The following SUPT3H variants were observed in gnomAD, a reference collection of about 807,000 sequenced individuals.
SUPT3H encodes SPT3 homolog, SAGA and STAGA complex component, also known as transcription initiation protein SPT3 homolog.
Under a neutral mutation model 44.3 loss-of-function variants are expected in SUPT3H, and 44 were observed. The observed-to-expected ratio is 0.99, with a 90% CI of 0.78 to 1.28. SUPT3H has a LOEUF of 1.28. Among genes scored for constraint, SUPT3H ranks in the 50% most tolerant of loss-of-function variants. The probability of loss-of-function intolerance (pLI) is 0.00; values close to 1 mark genes in which losing one functional copy is unlikely to be tolerated. For missense variants in SUPT3H, 380 were observed against 387.1 expected, an observed-to-expected ratio of 0.98 and a Z score of 0.15; for synonymous variants, 124 against 125.6, an observed-to-expected ratio of 0.99 and a Z score of 0.09.
chr6:45,140,724 C>G (rs1562536877), intron 2 of SUPT3H, among the ~76,000 whole-genome samples: 1 of 152,240 alleles, frequency 6.6e-6, no homozygotes, highest in East Asian at 1.9e-4. Context: ...GATAACATCA[C>G]AGAACTCTCT....
chr6:45,318,647 C>T (rs1370817419), intron 2 of SUPT3H, among the ~76,000 whole-genome samples: 2 of 151,198 alleles, frequency 1.3e-5, no homozygotes, highest in East Asian at 3.9e-4. Flanking sequence ...ATATTTCATG[C>T]AGTAAATAAC....
At chr6:45,184,491 A>G (rs944759933) in intron 2 of SUPT3H, among the ~76,000 whole-genome samples, 2 of 152,126 alleles carry the variant, frequency 1.3e-5, no homozygotes, top group African/African-American at 4.8e-5. Flanking sequence ...GAGTGCTTCT[A>G]TGTGAACAAA....
Position 45,366,805 on chromosome 6 carries a change from G to T in SUPT3H, c.1-1504C>A, listed in dbSNP as rs1039780518. Among the ~76,000 whole-genome samples, 4 of 152,130 alleles carry T rather than the reference G, an allele frequency of 2.6e-5. No individual in the cohort carries two copies. In the East Asian group the frequency reaches 7.7e-4, roughly 29 times the overall value. On this transcript the variant is annotated intron_variant, in intron 1 of 10. Transcript: ENST00000371459. The stretch of plus-strand genomic sequence containing the variant: ...CACCCTACAATTTGTAAGAAGTCAA[G>T]TAAATTCTACTTTCTGTATGTTCTC...
At chr6:45,256,067 A>G (rs1773336758) in intron 2 of SUPT3H, among the ~76,000 whole-genome samples, 1 of 152,184 alleles carries the variant, frequency 6.6e-6, no homozygotes, top group Non-Finnish European at 1.5e-5. Context: ...GCTACTCAGG[A>G]GGCTGAGGCA....
downstream of SUPT3H, among the ~76,000 whole-genome samples, chr6:44,825,444 C>T (rs1020132540): frequency 2.6e-5 from 4 of 152,182 alleles, no homozygotes; most frequent in Admixed American, 6.5e-5. Context: ...GTACAGTCCA[C>T]GTTGTGTAAC....
chr6:45,296,568 G>A (rs1395539666), intron 2 of SUPT3H, among the ~76,000 whole-genome samples: 5 of 151,316 alleles, frequency 3.3e-5, no homozygotes, highest in African/African-American at 4.9e-5. Context: ...GTGAAACCCC[G>A]TCTCTACTAA....
intron 10 of SUPT3H, among the ~76,000 whole-genome samples, chr6:44,905,413 G>GA (rs1479835624): frequency 1.7e-5 from 2 of 120,762 alleles, no homozygotes; most frequent in Non-Finnish European, 1.8e-5. Flanking sequence ...AAAGACACAT[G>GA]AAAAAATGCT....
At position 45,281,642 on chromosome 6, in the gene SUPT3H, C is replaced by A. The variant is rs533912326; in HGVS notation, c.101+83559G>T. 6.3e-3 allele frequency among the ~76,000 whole-genome samples: 963 copies of A among 152,300 alleles called. 4 individuals are homozygous for A. Among genetic ancestry groups the A allele is most frequent in the South Asian group, 0.012 (58 of 4,826 alleles). ...GCACAGCTCAAGGAGGCCTGCCTGC[C>A]TCTGTAGACTCCACCTCTGGGGGCA... is the stretch of plus-strand genomic sequence containing the variant. On this transcript the variant is annotated intron_variant, in intron 2 of 10. Transcript: ENST00000371459.
chr6:45,302,196 C>T (rs868497349), intron 2 of SUPT3H, among the ~76,000 whole-genome samples: 1 of 151,934 alleles, frequency 6.6e-6, no homozygotes, highest in East Asian at 1.9e-4. Flanking sequence ...GATTATGATG[C>T]TCCCATCATG....
chr6:45,099,996 G>A (rs1221406918), intron 3 of SUPT3H, among the ~76,000 whole-genome samples: 1 of 152,054 alleles, frequency 6.6e-6, no homozygotes, highest in Non-Finnish European at 1.5e-5. Flanking sequence ...AGAATGGTGA[G>A]TCTTTTCAAT....
chr6:45,026,966 T>C (rs892190098), intron 3 of SUPT3H, among the ~76,000 whole-genome samples: 4 of 150,424 alleles, frequency 2.7e-5, no homozygotes, highest in Admixed American at 1.3e-4. Context: ...ACTTCCCTTC[T>C]ACTCTTCTGC....
chr6:45,027,503 G>C (rs1562293482), intron 3 of SUPT3H, among the ~76,000 whole-genome samples: 1 of 152,008 alleles, frequency 6.6e-6, no homozygotes, highest in African/African-American at 2.4e-5. Flanking sequence ...TTGGCTTTGG[G>C]TCATGTTTTC....
At chr6:45,262,792 T>C (rs1027585532) in intron 2 of SUPT3H, among the ~76,000 whole-genome samples, 1 of 151,410 alleles carries the variant, frequency 6.6e-6, no homozygotes. Context: ...AGGAACTTAA[T>C]ATGTGAAATA....
intron 2 of SUPT3H, among the ~76,000 whole-genome samples, chr6:45,170,284 G>A (rs114326715): frequency 0.012 from 1,816 of 152,268 alleles, 15 homozygotes; most frequent in Non-Finnish European, 0.019. Flanking sequence ...GGCTGCAAAT[G>A]AGTCTTGCTG....
At chr6:44,934,146 C>T (rs894422610) in intron 9 of SUPT3H, among the ~76,000 whole-genome samples, 5 of 152,206 alleles carry the variant, frequency 3.3e-5, no homozygotes, top group African/African-American at 1.2e-4. Flanking sequence ...ATAATTAATA[C>T]ATTTTTTACT....
intron 2 of SUPT3H, among the ~76,000 whole-genome samples, chr6:45,301,546 C>G (rs575644973): frequency 6.6e-6 from 1 of 152,154 alleles, no homozygotes; most frequent in East Asian, 1.9e-4. Flanking sequence ...TCAGTTCTCC[C>G]TCCTGGCAAT....
intron 2 of SUPT3H, among the ~76,000 whole-genome samples, chr6:45,207,428 G>C (rs993741157): frequency 1.3e-5 from 2 of 152,124 alleles, no homozygotes; most frequent in African/African-American, 4.8e-5. Context: ...CTGGAGATAG[G>C]GAGAAAGCAA....
chr6:45,034,670 G>C (rs1336672587), intron 3 of SUPT3H, among the ~76,000 whole-genome samples: 1 of 152,076 alleles, frequency 6.6e-6, no homozygotes, highest in Non-Finnish European at 1.5e-5. Flanking sequence ...AATAATAACA[G>C]TAACAAGAAC....
intron 2 of SUPT3H, among the ~76,000 whole-genome samples, chr6:45,123,501 A>T (rs1471504526): frequency 6.6e-6 from 1 of 151,670 alleles, no homozygotes; most frequent in Non-Finnish European, 1.5e-5. Context: ...GGCCTCCCAT[A>T]GTGCTGGGAT....
Sources: allele counts gnomAD v4.1 joint callset (sites outside exome capture counted in the v4.1 genomes callset), GRCh38; gene constraint gnomAD v4.1.1; transcripts MANE v1.5; gene names NCBI Gene and HGNC (gene_info 2026-07-23, HGNC 2026-07-21).